KCNQ1OT1: variants seen among roughly 807,000 people sequenced by gnomAD.
The protein encoded by KCNQ1OT1 is KCNQ1 antisense RNA 2 (non-protein coding).
Position 2,657,952 on chromosome 11 carries a change from C to A in KCNQ1OT1, n.42043G>T, listed in dbSNP as rs760818665. 1.8e-5 allele frequency: 7 copies of A among 398,414 alleles called. No homozygotes were observed. The highest frequency in any genetic ancestry group is 2.7e-5 in the Non-Finnish European group (6 of 226,042). 24.7% of individuals were successfully genotyped at this position (398,414 alleles called of 1,614,324 possible). ...TATCACTGGTAATATTAACCTTGAG[C>A]CACTCGTTTAAAGTGGTGTCGGCCA... On this transcript the variant is annotated non_coding_transcript_exon_variant, in exon 1 of 1. Transcript: ENST00000597346. The surrounding 1 kb of genome is among the most constrained non-coding windows in gnomAD (Gnocchi z 4.8).
At position 2,668,169 on chromosome 11, in the gene KCNQ1OT1, G is replaced by A. The variant is rs1321036336; in HGVS notation, n.31826C>T. 5.0e-6 allele frequency: 2 copies of A among 398,470 alleles called. No homozygotes were observed. Among genetic ancestry groups the A allele is most frequent in the Admixed American group, 4.4e-5 (1 of 22,712 alleles). The allele number at this position is 398,470 out of a possible 1,614,324, so 24.7% of individuals were successfully genotyped here. A position where few individuals can be genotyped will look rare whatever the true frequency, so the allele number is the denominator to read the frequency against. On this transcript the variant is annotated non_coding_transcript_exon_variant, in exon 1 of 1. Coordinates refer to ENST00000597346, the Ensembl canonical transcript of KCNQ1OT1. This position sits in a 1 kb window ranked among gnomAD's most constrained non-coding sequence, Gnocchi z 4.3. ...GGGAGAGTGCTCCCTCATGCTCCTTGCTGACTGGTGCTCCATTGTGTGCAT... is the reference window on the plus strand; with the variant it reads ...GGGAGAGTGCTCCCTCATGCTCCTTACTGACTGGTGCTCCATTGTGTGCAT...
At chr11:2,633,863 A>G in exon 1 of KCNQ1OT1, 2 of 398,624 alleles carry the variant, frequency 5.0e-6, no homozygotes, top group Non-Finnish European at 8.8e-6. Flanking sequence ...ATGCGCATAT[A>G]CAAAATGTCA....
At chr11:2,632,301 A>G (rs2133817865) in exon 1 of KCNQ1OT1, 1 of 398,574 alleles carries the variant, frequency 2.5e-6, no homozygotes, top group South Asian at 1.3e-4. Context: ...ATTTCTACAA[A>G]TATGATCATA....
exon 1 of KCNQ1OT1, chr11:2,641,672 CTG>C (rs1849579139): frequency 2.5e-6 from 1 of 398,108 alleles, no homozygotes; most frequent in Non-Finnish European, 4.4e-6. Context: ...TTGTTTTTGT[CTG>C]TGTTTTTGAG....
Position 2,684,787 on chromosome 11 carries a change from C to T in KCNQ1OT1, n.15208G>A, listed in dbSNP as rs540870368. 2.4e-4 allele frequency: 95 copies of T among 398,632 alleles called. No individual in the cohort carries two copies. The highest frequency in any genetic ancestry group is 1.8e-3 in the African/African-American group (89 of 48,746). 24.7% of individuals were successfully genotyped at this position (398,632 alleles called of 1,614,324 possible). ...GGACTGCCTCCCAGCCTTCCCTCCC[C>T]ACTGGTCTGGGCACATTCCAAGGCT... is the stretch of plus-strand genomic sequence containing the variant. On this transcript the variant is annotated non_coding_transcript_exon_variant, in exon 1 of 1. Coordinates refer to ENST00000597346, the Ensembl canonical transcript of KCNQ1OT1.
chr11:2,669,517 T>C lies in KCNQ1OT1; in HGVS notation n.30478A>G, dbSNP rs1476125806. 5.0e-6 allele frequency: 2 copies of C among 398,538 alleles called. No homozygotes were observed. The highest frequency in any genetic ancestry group is 7.1e-5 in the East Asian group (2 of 28,096). The allele number at this position is 398,538 out of a possible 1,614,324, so 24.7% of individuals were successfully genotyped here. On this transcript the variant is annotated non_coding_transcript_exon_variant, in exon 1 of 1. Coordinates refer to ENST00000597346, the Ensembl canonical transcript of KCNQ1OT1. The surrounding 1 kb of genome is among the most constrained non-coding windows in gnomAD (Gnocchi z 5.6). Reference sequence around the variant, plus strand: ...CATTCCTTGTCAGCTAATGGTTTGATGTATGTTCGCTGAATCCAGGGACAA... The same window carrying C: ...CATTCCTTGTCAGCTAATGGTTTGACGTATGTTCGCTGAATCCAGGGACAA...
Position 2,642,582 on chromosome 11 carries a change from G to T in KCNQ1OT1, n.57413C>A, listed in dbSNP as rs1470500937. 2.5e-6 allele frequency: 1 copy of T among 397,506 alleles called. No homozygotes were observed. The highest frequency in any genetic ancestry group is 4.4e-6 in the Non-Finnish European group (1 of 225,614). The allele number at this position is 397,506 out of a possible 1,614,324, so 24.6% of individuals were successfully genotyped here. A position where few individuals can be genotyped will look rare whatever the true frequency, so the allele number is the denominator to read the frequency against. On this transcript the variant is annotated non_coding_transcript_exon_variant, in exon 1 of 1. Coordinates refer to ENST00000597346, the Ensembl canonical transcript of KCNQ1OT1. This position sits in a 1 kb window ranked among gnomAD's most constrained non-coding sequence, Gnocchi z 4.3. The stretch of plus-strand genomic sequence containing the variant: ...CTCTCTTTTCTTCTTGGATAGTTTA[G>T]CCACTGGTTATTTTGTTTCTTTTCA...
At chr11:2,667,895 G>A (rs1358550421) in exon 1 of KCNQ1OT1, 1 of 398,528 alleles carries the variant, frequency 2.5e-6, no homozygotes, top group Non-Finnish European at 4.4e-6. Flanking sequence ...TGCGCAGCTT[G>A]AGGCATCTTC....
Position 2,620,199 on chromosome 11 carries a change from G to GTATA in KCNQ1OT1, n.79792_79795dup, listed in dbSNP as rs140322945. 7.3e-3 allele frequency: 2,164 copies of GTATA among 295,246 alleles called. 43 individuals carry two copies. The highest frequency in any genetic ancestry group is 0.057 in the African/African-American group (1,752 of 30,680). The allele number at this position is 295,246 out of a possible 1,614,324, so 18.3% of individuals were successfully genotyped here. ...CTGCAAAGGACGTAAGTTCATTCAT[G>GTATA]TATATATATATATTTTTTTTTTTTA... is the stretch of plus-strand genomic sequence containing the variant. On this transcript the variant is annotated non_coding_transcript_exon_variant, in exon 1 of 1. Coordinates refer to ENST00000597346, the Ensembl canonical transcript of KCNQ1OT1. The surrounding 1 kb of genome is among the most constrained non-coding windows in gnomAD (Gnocchi z 4.5).
exon 1 of KCNQ1OT1, chr11:2,610,568 G>A: frequency 2.5e-6 from 1 of 398,322 alleles, no homozygotes; most frequent in Non-Finnish European, 4.4e-6. Context: ...CTTCCTGGGA[G>A]CACTTCCTTT....
At chr11:2,634,405 A>G (rs1302013429) in exon 1 of KCNQ1OT1, 1 of 196,060 alleles carries the variant, frequency 5.1e-6, no homozygotes, top group East Asian at 9.8e-5. Context: ...TTCAGTTCCC[A>G]CCTACGAGTG....
chr11:2,611,003 ATTG>A lies in KCNQ1OT1; in HGVS notation n.88989_88991del. ...TACTATTATTGTTGAGTTGTCTATT[ATTG>A]TTCAGTTGTCTGTTTCTCTCTTCAT... On this transcript the variant is annotated non_coding_transcript_exon_variant, in exon 1 of 1. Transcript: ENST00000597346. The surrounding 1 kb of genome is among the most constrained non-coding windows in gnomAD (Gnocchi z 5.3). The A allele has an allele frequency of 2.5e-6, 1 of 398,332 alleles. No individual in the cohort carries two copies. Among genetic ancestry groups the A allele is most frequent in the Non-Finnish European group, 4.4e-6 (1 of 225,992 alleles). The allele number at this position is 398,332 out of a possible 1,614,324, so 24.7% of individuals were successfully genotyped here. A position where few individuals can be genotyped will look rare whatever the true frequency, so the allele number is the denominator to read the frequency against.
chr11:2,612,780 C>G lies in KCNQ1OT1; in HGVS notation n.87215G>C, dbSNP rs971570812. On this transcript the variant is annotated non_coding_transcript_exon_variant, in exon 1 of 1. Transcript: ENST00000597346. This position sits in a 1 kb window ranked among gnomAD's most constrained non-coding sequence, Gnocchi z 5.5. ...GCTCATTATTCTTGTTCAAGGGTCA[C>G]AATTTTCTGTTTCTTTGCATATCTC... 1.8e-5 allele frequency: 7 copies of G among 398,414 alleles called. No individual in the cohort carries two copies. Among genetic ancestry groups the G allele is most frequent in the Non-Finnish European group, 3.1e-5 (7 of 226,048 alleles). 24.7% of individuals were successfully genotyped at this position (398,414 alleles called of 1,614,324 possible).
In KCNQ1OT1 at chr11:2,690,608, T is replaced by C. The variant is rs1850572422; in HGVS notation, n.9387A>G. 2.5e-6 allele frequency: 1 copy of C among 398,542 alleles called. No homozygotes were observed. Among genetic ancestry groups the C allele is most frequent in the East Asian group, 3.6e-5 (1 of 28,090 alleles). 24.7% of individuals were successfully genotyped at this position (398,542 alleles called of 1,614,324 possible). A position where few individuals can be genotyped will look rare whatever the true frequency, so the allele number is the denominator to read the frequency against. ...CTCCTGGCAGGGAGTGGGGCACACA[T>C]ATGTGCATGTTCATATATGTGTCAG... On this transcript the variant is annotated non_coding_transcript_exon_variant, in exon 1 of 1. Transcript: ENST00000597346. This position sits in a 1 kb window ranked among gnomAD's most constrained non-coding sequence, Gnocchi z 5.1.
exon 1 of KCNQ1OT1, chr11:2,660,760 G>A (rs1049500757): frequency 2.5e-6 from 1 of 398,614 alleles, no homozygotes; most frequent in Non-Finnish European, 4.4e-6. Context: ...AAAGCTGGGG[G>A]AGCCTGAATT....
Position 2,621,703 on chromosome 11 carries a change from T to A in KCNQ1OT1, n.78292A>T. ...TCATAAAAGTCCCTTATGATCCTTTTTATTTCTGAAGTACCTGTTGTAATA... is the reference window on the plus strand; with the variant it reads ...TCATAAAAGTCCCTTATGATCCTTTATATTTCTGAAGTACCTGTTGTAATA... On this transcript the variant is annotated non_coding_transcript_exon_variant, in exon 1 of 1. Coordinates refer to ENST00000597346, the Ensembl canonical transcript of KCNQ1OT1. This position sits in a 1 kb window ranked among gnomAD's most constrained non-coding sequence, Gnocchi z 5.7. 1 of 398,488 alleles carries A rather than the reference T, an allele frequency of 2.5e-6. No homozygotes were observed. Among genetic ancestry groups the A allele is most frequent in the Non-Finnish European group, 4.4e-6 (1 of 226,022 alleles). 24.7% of individuals were successfully genotyped at this position (398,488 alleles called of 1,614,324 possible). A position where few individuals can be genotyped will look rare whatever the true frequency, so the allele number is the denominator to read the frequency against.
chr11:2,609,206 G>A, exon 1 of KCNQ1OT1: 1 of 398,016 alleles, frequency 2.5e-6, no homozygotes, highest in Non-Finnish European at 4.4e-6. Context: ...TATCCCATAA[G>A]TTCTGTTATG....
Position 2,620,621 on chromosome 11 carries a change from T to G in KCNQ1OT1, n.79374A>C. On this transcript the variant is annotated non_coding_transcript_exon_variant, in exon 1 of 1. Coordinates refer to ENST00000597346, the Ensembl canonical transcript of KCNQ1OT1. The surrounding 1 kb of genome is among the most constrained non-coding windows in gnomAD (Gnocchi z 4.5). ...GGCATCTAAGTGGATTCCATGTCTT[T>G]GCTGTTGTGAATAGTGCTGTGATGA... 1 of 397,904 alleles carries G rather than the reference T, an allele frequency of 2.5e-6. No individual in the cohort carries two copies. The highest frequency in any genetic ancestry group is 4.4e-5 in the Admixed American group (1 of 22,734). 24.6% of individuals were successfully genotyped at this position (397,904 alleles called of 1,614,324 possible).
chr11:2,622,753 CA>C (rs1481143260), exon 1 of KCNQ1OT1: 9 of 398,430 alleles, frequency 2.3e-5, no homozygotes, highest in African/African-American at 1.2e-4. Flanking sequence ...AGGGTTCCAG[CA>C]AAATTGAGAG....
Sources: gnomAD v4.1 joint callset for allele counts on GRCh38, gnomAD v4.1.1 for gene constraint, Gnocchi (gnomAD v3.1) non-coding constraint, MANE v1.5 for transcripts, NCBI Gene and HGNC (gene_info 2026-07-23, HGNC 2026-07-21) for gene names.